Variants in CUX1 observed in about 807,000 individuals in gnomAD.
The protein encoded by CUX1 is protein CASP.
In CUX1, 31 loss-of-function variants were observed where a neutral mutation model predicts 158.8. The ratio of observed to expected loss-of-function variants is 0.20; its 90% CI spans 0.15 to 0.26. The LOEUF (loss-of-function observed/expected upper bound fraction) is 0.26. Among genes scored for constraint, CUX1 ranks in the 10% least tolerant of loss-of-function variants. The pLI, the probability that CUX1 is intolerant of heterozygous loss-of-function variation, is 1.00. For synonymous variants in CUX1, 879 were observed against 862.1 expected (o/e 1.02, Z -0.34); for missense variants, 1,589 against 2,014.6 (o/e 0.79, Z 4.04).
intron 1 of CUX1, among the ~76,000 whole-genome samples, chr7:101,827,672 C>T (rs898823647): frequency 1.3e-5 from 2 of 151,944 alleles, no homozygotes; most frequent in African/African-American, 2.4e-5. Context: ...GAAGCCTTAC[C>T]GATAACATAA....
chr7:102,270,095 C>T (rs145914256), intron 14 of CUX1, among the ~76,000 whole-genome samples: 308 of 152,356 alleles, frequency 2.0e-3, no homozygotes, highest in Non-Finnish European at 3.4e-3. Flanking sequence ...GCCCTGTACT[C>T]CAGAGGTTGA....
intron 1 of CUX1, among the ~76,000 whole-genome samples, chr7:101,830,030 G>A (rs1793802258): frequency 6.6e-6 from 1 of 152,220 alleles, no homozygotes; most frequent in East Asian, 1.9e-4. Context: ...TTCGGTGAGT[G>A]CTAGATGGGG....
At position 102,207,595 on chromosome 7, in the gene CUX1, G is replaced by A. The variant is rs782118288; in HGVS notation, c.3130+2425G>A. On this transcript the variant is annotated intron_variant, in intron 20 of 23. Coordinates refer to ENST00000292535, the MANE Select transcript of CUX1 (RefSeq NM_181552.4). ...GCCTCCTGAGTAGCTGGGAATACAG[G>A]TACCCATCACCACGCCCGGCTAATT... Among the ~76,000 whole-genome samples the A allele has an allele frequency of 9.9e-4, 150 of 152,166 alleles. No homozygotes were observed. The Middle Eastern group carries it at 0.024, about 24-fold the overall frequency.
At chr7:101,890,687 TC>T (rs1205850345) in intron 1 of CUX1, among the ~76,000 whole-genome samples, 8 of 152,314 alleles carry the variant, frequency 5.3e-5, no homozygotes, top group African/African-American at 1.4e-4. Flanking sequence ...CTTGCGTATT[TC>T]TACTCACTGC....
chr7:102,012,052 C>T (rs1818098050), intron 2 of CUX1, among the ~76,000 whole-genome samples: 1 of 151,876 alleles, frequency 6.6e-6, no homozygotes, highest in South Asian at 2.1e-4. Flanking sequence ...TTATTTATTT[C>T]AGATAATTTT....
At chr7:102,245,010 G>T (rs1384003440) in intron 23 of CUX1, among the ~76,000 whole-genome samples, 4 of 152,278 alleles carry the variant, frequency 2.6e-5, no homozygotes, top group African/African-American at 9.6e-5. Flanking sequence ...AGCCAAAAAG[G>T]TTTTTGTTTG....
chr7:102,098,906 C>G (rs575697440), intron 5 of CUX1, among the ~76,000 whole-genome samples: 1 of 150,362 alleles, frequency 6.7e-6, no homozygotes, highest in East Asian at 2.0e-4. Flanking sequence ...TGATCCACCC[C>G]CCTCAGCCTC....
Position 102,255,228 on chromosome 7 carries a change from T to C in CUX1, c.*6186T>C, listed in dbSNP as rs1789769839. 4.1e-6 allele frequency: 4 copies of C among 985,290 alleles called. No individual in the cohort carries two copies. 61.0% of individuals were successfully genotyped at this position (985,290 alleles called of 1,614,324 possible). On this transcript the variant is annotated 3_prime_UTR_variant, in exon 24 of 24. Transcript: ENST00000292535. ...GCCCAGGCCTCTCCCACCACCACCT[T>C]CCCTCCAAAGATAACCGTGTCCATG...
chr7:102,241,084 T>G (rs918982299), intron 23 of CUX1, among the ~76,000 whole-genome samples: 1 of 152,118 alleles, frequency 6.6e-6, no homozygotes, highest in Non-Finnish European at 1.5e-5. Flanking sequence ...CCTCCCAAAG[T>G]GCTGGGATTA....
At chr7:102,110,290 T>C (rs1266313819) in intron 6 of CUX1, among the ~76,000 whole-genome samples, 1 of 152,246 alleles carries the variant, frequency 6.6e-6, no homozygotes, top group Non-Finnish European at 1.5e-5. Context: ...TAATTTATAT[T>C]GTGCTATAGT....
At chr7:102,056,294 C>T (rs1005060788) in intron 3 of CUX1, among the ~76,000 whole-genome samples, 1 of 152,154 alleles carries the variant, frequency 6.6e-6, no homozygotes, top group African/African-American at 2.4e-5. Flanking sequence ...AAGATATAAT[C>T]TAGGACTTGC....
chr7:102,095,157 G>T (rs1214190971), intron 4 of CUX1, among the ~76,000 whole-genome samples: 1 of 151,952 alleles, frequency 6.6e-6, no homozygotes, highest in Non-Finnish European at 1.5e-5. Flanking sequence ...ATGCCACCAT[G>T]CCTGGCTAGT....
chr7:102,250,505 C>G lies in CUX1; in HGVS notation c.*1463C>G. On this transcript the variant is annotated 3_prime_UTR_variant, in exon 24 of 24. Transcript: ENST00000292535. The stretch of plus-strand genomic sequence containing the variant: ...CTTCCCACCGCAAGCACTGATGACC[C>G]TGTTGAACTCGTGGGAAACTTCCTT... 1.0e-6 allele frequency: 1 copy of G among 985,468 alleles called. No individual in the cohort carries two copies. The allele number at this position is 985,468 out of a possible 1,614,324, so 61.0% of individuals were successfully genotyped here.
rs1038749435 is a variant in CUX1, at chr7:102,236,099, G to A, written c.3622+1859G>A. On this transcript the variant is annotated intron_variant, in intron 22 of 23. Coordinates refer to ENST00000292535, the MANE Select transcript of CUX1 (RefSeq NM_181552.4). ...AATACGAACCTCGGTGCTTCATGCA[G>A]CCTAGCAGATTTCAATAGCTCCTAT... 2.6e-5 allele frequency among the ~76,000 whole-genome samples: 4 copies of A among 152,360 alleles called. No homozygotes were observed. The East Asian group carries it at 7.7e-4, about 29-fold the overall frequency.
Position 101,965,704 on chromosome 7 carries a change from C to A in CUX1, c.141+49479C>A, listed in dbSNP as rs535020270. Among the ~76,000 whole-genome samples, 6 of 151,562 alleles carry A rather than the reference C, an allele frequency of 4.0e-5. No individual in the cohort carries two copies. The South Asian group carries it at 1.3e-3, about 32-fold the overall frequency. On this transcript the variant is annotated intron_variant, in intron 2 of 23. Transcript: ENST00000292535. Reference sequence around the variant, plus strand: ...CTACTAAAAATACAAAAAAAATTAGCGGGGCGTGGTGGCAGGCGCCTGTAG... The same window carrying A: ...CTACTAAAAATACAAAAAAAATTAGAGGGGCGTGGTGGCAGGCGCCTGTAG...
At chr7:102,068,903 A>G (rs962286884) in intron 3 of CUX1, among the ~76,000 whole-genome samples, 2 of 152,230 alleles carry the variant, frequency 1.3e-5, no homozygotes, top group African/African-American at 4.8e-5. Flanking sequence ...GGCTCTTTGC[A>G]TATGCGTCCA....
At chr7:102,082,571 A>G (rs1662311145) in intron 4 of CUX1, among the ~76,000 whole-genome samples, 1 of 147,326 alleles carries the variant, frequency 6.8e-6, no homozygotes, top group Admixed American at 6.9e-5. Flanking sequence ...TCAAGTGTGC[A>G]GTGTGATAGC....
At chr7:102,176,558 C>CTTTTTTT (rs60973137) in intron 10 of CUX1, among the ~76,000 whole-genome samples, 8 of 86,732 alleles carry the variant, frequency 9.2e-5, no homozygotes, top group Non-Finnish European at 1.3e-4. Flanking sequence ...GCCAGGATTC[C>CTTTTTTT]TTTTTTTTTT....
intron 16 of CUX1, 67 bp from the exon 17 acceptor site, chr7:102,200,004 C>A: frequency 7.3e-7 from 1 of 1,378,816 alleles, no homozygotes; most frequent in Non-Finnish European, 1.0e-6. Flanking sequence ...AGAATGACGT[C>A]TTCGCGCAGC....
Sources: allele counts gnomAD v4.1 joint callset (sites outside exome capture counted in the v4.1 genomes callset), GRCh38; gene constraint gnomAD v4.1.1; transcripts MANE v1.5; gene names NCBI Gene and HGNC (gene_info 2026-07-23, HGNC 2026-07-21).